ITGA6: variants seen among roughly 807,000 people sequenced by gnomAD.
The protein encoded by ITGA6 is integrin alpha-6.
ITGA6 carries 63 observed loss-of-function variants against 133.6 expected under a neutral mutation model. That is an observed-to-expected ratio of 0.47 (90% CI 0.38 to 0.58). ITGA6 has a LOEUF of 0.58. ITGA6 is among the 20% of genes least tolerant of loss of function. The probability of loss-of-function intolerance (pLI) is 0.00; values close to 1 mark genes in which losing one functional copy is unlikely to be tolerated. For synonymous variants in ITGA6, 434 were observed against 482.0 expected (o/e 0.90, Z 1.30); for missense variants, 1,068 against 1,309.4 (o/e 0.82, Z 2.85).
At chr2:172,453,837 C>T (rs1487338910) in intron 1 of ITGA6, among the ~76,000 whole-genome samples, 1 of 152,180 alleles carries the variant, frequency 6.6e-6, no homozygotes, top group East Asian at 1.9e-4. Flanking sequence ...TTACAAATAA[C>T]CATTGGATGT....
chr2:172,498,808 A>G (rs1687234419), intron 24 of ITGA6, among the ~76,000 whole-genome samples: 1 of 152,222 alleles, frequency 6.6e-6, no homozygotes, highest in Admixed American at 6.5e-5. Flanking sequence ...AGAGGCTTAC[A>G]GTCCCTTATC....
rs373209015 is a variant in ITGA6 at position 172,504,130 on chromosome 2, C to T, written c.*62C>T. ...ACGCTCTAGGTACGATGACAGTGTT[C>T]CCCGATACCATGCTGTAAGGATCCG... On this transcript the variant is annotated 3_prime_UTR_variant, in exon 26 of 26. Coordinates refer to ENST00000684293, the MANE Select transcript of ITGA6 (RefSeq NM_000210.4). The T allele has an allele frequency of 6.2e-7, 1 of 1,600,400 alleles. No individual in the cohort carries two copies. Among genetic ancestry groups the T allele is most frequent in the African/African-American group, 1.3e-5 (1 of 74,378 alleles).
chr2:172,486,143 C>A (rs975537552), intron 13 of ITGA6, among the ~76,000 whole-genome samples: 2 of 137,414 alleles, frequency 1.5e-5, no homozygotes, highest in African/African-American at 2.8e-5. Flanking sequence ...CCACTGCACT[C>A]CAGCCTGGGC....
chr2:172,427,558 A>G (rs1683893318), upstream of ITGA6: 3 of 1,208,554 alleles, frequency 2.5e-6, no homozygotes, highest in Non-Finnish European at 3.1e-6. Context: ...TCGTCACTTG[A>G]TAAAACGCCT....
Position 172,479,997 on chromosome 2 carries a change from G to T in ITGA6, c.1495G>T (p.Val499Phe). The T allele has an allele frequency of 4.4e-6, 7 of 1,592,428 alleles. No homozygotes were observed. The highest frequency in any genetic ancestry group is 6.0e-6 in the Non-Finnish European group (7 of 1,160,354). Reference sequence around the variant, plus strand: ...GTGTTTGATTTTATTCAGCCTCCAGGTTAAATCCTGTTTTGAATATACTGC... The same window carrying T: ...GTGTTTGATTTTATTCAGCCTCCAGTTTAAATCCTGTTTTGAATATACTGC... ...CGAPSGICLQVKSCFEYTANP... is the reference protein window; with the variant it reads ...CGAPSGICLQFKSCFEYTANP... Residue 499 changes from valine (V) to phenylalanine (F), a missense_variant, in exon 11 of 26, where the codon GTT becomes TTT. Coordinates refer to ENST00000684293, the MANE Select transcript of ITGA6 (RefSeq NM_000210.4).
chr2:172,447,849 C>T (rs113879764), intron 1 of ITGA6, among the ~76,000 whole-genome samples: 1 of 143,216 alleles, frequency 7.0e-6, no homozygotes, highest in Non-Finnish European at 1.5e-5. Flanking sequence ...CACATTTTTT[C>T]CCCCGGTACG....
chr2:172,454,241 G>A (rs1685126268), intron 1 of ITGA6, among the ~76,000 whole-genome samples: 2 of 151,960 alleles, frequency 1.3e-5, no homozygotes, highest in South Asian at 4.1e-4. Flanking sequence ...GTGCCACCGT[G>A]CCCACCTGAT....
At chr2:172,496,826 G>C (rs1687146164) in intron 23 of ITGA6, among the ~76,000 whole-genome samples, 1 of 152,218 alleles carries the variant, frequency 6.6e-6, no homozygotes, top group Non-Finnish European at 1.5e-5. Context: ...ATGTAACTGA[G>C]TTGTTGGAAT....
chr2:172,427,544 G>A, upstream of ITGA6: 1 of 1,174,370 alleles, frequency 8.5e-7, no homozygotes, highest in Non-Finnish European at 1.0e-6. Context: ...CGGGGCCGGC[G>A]TCCTCGTCAC....
At chr2:172,427,495 C>T (rs1559106621), upstream of ITGA6, 1 of 1,094,588 alleles carries the variant, frequency 9.1e-7, no homozygotes. Flanking sequence ...GTGCGCCGGG[C>T]CGCGGGCGCG....
intron 23 of ITGA6, among the ~76,000 whole-genome samples, chr2:172,493,926 G>A (rs1285516213): frequency 6.6e-6 from 1 of 152,208 alleles, no homozygotes; most frequent in African/African-American, 2.4e-5. Flanking sequence ...AGAGCTTGGA[G>A]AACTCATGCC....
intron 5 of ITGA6, among the ~76,000 whole-genome samples, chr2:172,471,364 T>C (rs1226499319): frequency 3.9e-5 from 6 of 152,212 alleles, no homozygotes; most frequent in African/African-American, 1.4e-4. Flanking sequence ...TCCTCCCTCC[T>C]GCTCAGAAGT....
At position 172,467,208 on chromosome 2, in the gene ITGA6, C is replaced by T. The variant is rs6433359; in HGVS notation, c.308-273C>T. On this transcript the variant is annotated intron_variant, in intron 2 of 25. Coordinates refer to ENST00000684293, the MANE Select transcript of ITGA6 (RefSeq NM_000210.4). ...TCACTTACCTTCTGCATTCAGGACC[C>T]TAGGTATCAAGAGAGGGCAAAGGGT... Among the ~76,000 whole-genome samples the T allele has an allele frequency of 0.15, 22,066 of 152,056 alleles. 1,720 individuals are homozygous for T. The highest frequency in any genetic ancestry group is 0.17 in the Non-Finnish European group (11,323 of 67,976).
At position 172,471,932 on chromosome 2, in the gene ITGA6, TG is replaced by T. The variant is rs370710068; in HGVS notation, c.775+828del. 3.2e-3 allele frequency among the ~76,000 whole-genome samples: 477 copies of T among 147,594 alleles called. 2 individuals carry two copies. Among genetic ancestry groups the T allele is most frequent in the African/African-American group, 0.011 (434 of 40,452 alleles). On this transcript the variant is annotated intron_variant, in intron 5 of 25. Transcript: ENST00000684293. ...AAGAAAGTGAAGAAAAGTACCCAGATGTTAGGATATTACTGGAAGAATGGAA... is the reference window on the plus strand; with the variant it reads ...AAGAAAGTGAAGAAAAGTACCCAGATTTAGGATATTACTGGAAGAATGGAA...
intron 1 of ITGA6, among the ~76,000 whole-genome samples, chr2:172,453,759 G>A (rs968804891): frequency 6.6e-6 from 1 of 152,206 alleles, no homozygotes. Flanking sequence ...AAAGTTTTAA[G>A]TCTGCTGTGT....
At chr2:172,455,310 C>T (rs1285271281) in intron 1 of ITGA6, among the ~76,000 whole-genome samples, 1 of 152,216 alleles carries the variant, frequency 6.6e-6, no homozygotes, top group African/African-American at 2.4e-5. Context: ...GAGAGTGGCT[C>T]TTACTAATAA....
chr2:172,474,993 G>A lies in ITGA6; in HGVS notation c.1051G>A (p.Val351Met). The change falls in exon 7 of 26, where the codon GTG becomes ATG. Residue 351 changes from valine (V) to methionine (M), a missense_variant. Val to Met is a conservative substitution (Grantham distance 21). Around this residue, in one of 3 missense-constraint regions of ITGA6, gnomAD observed 317 missense variants for 456.9 expected, o/e 0.69. Coordinates refer to ENST00000684293, the MANE Select transcript of ITGA6 (RefSeq NM_000210.4). ...FDRDGEVGGA[V>M]YVYMNQQGRW... ...TAGAGATGGAGAAGTTGGAGGTGCA[G>A]TGTATGTCTACATGAACCAGCAAGG... The A allele has an allele frequency of 1.3e-6, 2 of 1,585,866 alleles. No homozygotes were observed. Among genetic ancestry groups the A allele is most frequent in the Non-Finnish European group, 1.7e-6 (2 of 1,154,214 alleles).
At chr2:172,485,950 G>C (rs953103709) in intron 13 of ITGA6, among the ~76,000 whole-genome samples, 1 of 152,148 alleles carries the variant, frequency 6.6e-6, no homozygotes, top group South Asian at 2.1e-4. Flanking sequence ...GCCGAGGCGG[G>C]CAGGTCACTT....
intron 1 of ITGA6, among the ~76,000 whole-genome samples, chr2:172,439,508 G>A (rs570672950): frequency 7.2e-5 from 11 of 152,006 alleles, no homozygotes; most frequent in Admixed American, 6.6e-4. Flanking sequence ...CTGGTGTGCT[G>A]CAAATCAGAT....
Sources: gnomAD v4.1 joint callset for allele counts (sites outside exome capture counted in the v4.1 genomes callset) on GRCh38, gnomAD v4.1.1 for gene constraint, gnomAD v4.1.1 regional missense constraint, MANE v1.5 for transcripts, NCBI Gene and HGNC (gene_info 2026-07-23, HGNC 2026-07-21) for gene names.